Variants in RASAL3 observed in about 807,000 individuals in gnomAD.
RASAL3 encodes RAS protein activator like-3.
RASAL3 carries 74 observed loss-of-function variants against 105.5 expected under a neutral mutation model. The observed-to-expected ratio is 0.70, with a 90% CI of 0.58 to 0.85. RASAL3 has a LOEUF of 0.85. Among genes scored for constraint, RASAL3 ranks in the 40% least tolerant of loss-of-function variants. RASAL3 has a pLI of 0.00. For missense variants in RASAL3, 1,352 were observed against 1,392.0 expected, an observed-to-expected ratio of 0.97 and a Z score of 0.46; for synonymous variants, 579 against 591.6, an observed-to-expected ratio of 0.98 and a Z score of 0.31.
intron 7 of RASAL3, 46 bp from the exon 8 acceptor site, chr19:15,458,472 A>C: frequency 6.2e-7 from 1 of 1,613,622 alleles, no homozygotes; most frequent in Non-Finnish European, 8.5e-7. Flanking sequence ...CCAAGGGTGA[A>C]GCCAAAGGGT....
chr19:15,461,286 C>T lies in RASAL3; in HGVS notation c.476G>A (p.Arg159Lys), dbSNP rs527734825. The change falls in exon 4 of 18, where the codon AGG becomes AAG. Residue 159 changes from arginine (R) to lysine (K), a missense_variant. Arg to Lys is a conservative substitution (Grantham distance 26). This residue lies in a region of RASAL3 where 344 missense variants were observed against 339.6 expected (regional missense o/e 1.01). Coordinates refer to ENST00000343625, the MANE Select transcript of RASAL3 (RefSeq NM_022904.3). ...GGAGCTAGCACTTCCCACCCGGGGC[C>T]TTCGAGGACCCTGTTCTCCCGCAGG... ...LLGGEEEGPR[R>K]PRVGSASSEG... is the part of the protein sequence containing the mutation. 57 of 1,613,390 alleles carry T rather than the reference C, an allele frequency of 3.5e-5. 1 individual carries two copies. In the South Asian group the frequency reaches 5.9e-4, roughly 17 times the overall value.
In RASAL3 at chr19:15,452,781, C is replaced by T. The variant is rs375530302; in HGVS notation, c.2705G>A (p.Arg902His). ...GCGGGACAGCACTTTCTGCTCCTCA[C>T]GCAGAGCGGCCACCTCGCACTGCAG... Reference protein sequence around the residue: ...AELQCEVAALREEQKVLSRLV... With the variant: ...AELQCEVAALHEEQKVLSRLV... The change falls in exon 16 of 18, where the codon CGT becomes CAT. Residue 902 changes from arginine to histidine, a missense_variant. Arg to His is a conservative substitution (Grantham distance 29). Transcript: ENST00000343625. The T allele has an allele frequency of 5.2e-5, 81 of 1,564,354 alleles. No individual in the cohort carries two copies. Among genetic ancestry groups the T allele is most frequent in the African/African-American group, 2.7e-4 (20 of 73,722 alleles).
At chr19:15,452,133 G>A in intron 16 of RASAL3, 25 bp from the exon 17 acceptor site, 1 of 1,612,866 alleles carries the variant, frequency 6.2e-7, no homozygotes, top group South Asian at 1.1e-5. Context: ...GGATTGGGGC[G>A]AAGGGCAGAG....
chr19:15,457,343 C>T lies in RASAL3; in HGVS notation c.1380G>A (p.Glu460=), dbSNP rs930637203. The T allele has an allele frequency of 6.5e-6, 9 of 1,391,190 alleles. No homozygotes were observed. In the African/African-American group the frequency reaches 1.1e-4, roughly 17 times the overall value. 86.2% of individuals were successfully genotyped at this position (1,391,190 alleles called of 1,614,324 possible). A position where few individuals can be genotyped will look rare whatever the true frequency, so the allele number is the denominator to read the frequency against. The change falls in exon 9 of 18, where the codon GAG becomes GAA. Residue 460 remains glutamate, a synonymous_variant. Coordinates refer to ENST00000343625, the MANE Select transcript of RASAL3 (RefSeq NM_022904.3). The surrounding 1 kb of genome is among the most constrained non-coding windows in gnomAD (Gnocchi z 8.6). ...CGCGCACCATGGCTGCCGCCAGCTC[C>T]TCCTTGGCCTGCGCAGGCAGCGCGG... ...LEPALPAQAK[E]ELAAAMVRVL... is the part of the protein sequence containing the mutation.
Position 15,456,942 on chromosome 19 carries a change from G to T in RASAL3, c.1432-296C>A. On this transcript the variant is annotated intron_variant, in intron 9 of 17. Transcript: ENST00000343625. This position sits in a 1 kb window ranked among gnomAD's most constrained non-coding sequence, Gnocchi z 4.4. Reference sequence around the variant, plus strand: ...TCTTCAAGGTGTCCCGCCCCTTATGGGTGATAATTAGGCCCCGCCCCTCAC... The same window carrying T: ...TCTTCAAGGTGTCCCGCCCCTTATGTGTGATAATTAGGCCCCGCCCCTCAC... 4.0e-6 allele frequency: 2 copies of T among 504,258 alleles called. No individual in the cohort carries two copies. Among genetic ancestry groups the T allele is most frequent in the South Asian group, 5.1e-5 (2 of 39,348 alleles). 31.2% of individuals were successfully genotyped at this position (504,258 alleles called of 1,614,324 possible).
chr19:15,464,395 G>C lies in RASAL3; in HGVS notation c.-19-18C>G. ...GGGGTCTCCTGGGGGACGAGAGAGT[G>C]ACAGTAGTGCCCAGTGTCTGTCCAC... On this transcript the variant is annotated intron_variant, in intron 1 of 17. Coordinates refer to ENST00000343625, the MANE Select transcript of RASAL3 (RefSeq NM_022904.3). The C allele has an allele frequency of 6.8e-7, 1 of 1,481,010 alleles. No homozygotes were observed. Among genetic ancestry groups the C allele is most frequent in the Non-Finnish European group, 9.3e-7 (1 of 1,075,910 alleles). 91.7% of individuals were successfully genotyped at this position (1,481,010 alleles called of 1,614,324 possible).
chr19:15,455,968 A>T, intron 11 of RASAL3, 136 bp downstream of exon 11: 1 of 1,017,340 alleles, frequency 9.8e-7, no homozygotes, highest in Non-Finnish European at 1.4e-6. Flanking sequence ...GTAATTTTTT[A>T]GTATAAGCAT....
rs1970303015 is a variant in RASAL3 at position 15,456,015 on chromosome 19, C to T, written c.1721+89G>A. On this transcript the variant is annotated intron_variant, in intron 11 of 17. Transcript: ENST00000343625. This position sits in a 1 kb window ranked among gnomAD's most constrained non-coding sequence, Gnocchi z 4.4. ...TTGCATCAAATTTAACTGAGTGTCT[C>T]CTGTATTTTATCTGGCCACCCTAAA... 7.0e-7 allele frequency: 1 copy of T among 1,423,722 alleles called. No individual in the cohort carries two copies. Among genetic ancestry groups the T allele is most frequent in the Admixed American group, 2.0e-5 (1 of 51,276 alleles). 88.2% of individuals were successfully genotyped at this position (1,423,722 alleles called of 1,614,324 possible).
chr19:15,460,249 T>C lies in RASAL3; in HGVS notation c.616A>G (p.Lys206Glu). 6.2e-7 allele frequency: 1 copy of C among 1,608,528 alleles called. No homozygotes were observed. Among genetic ancestry groups the C allele is most frequent in the Non-Finnish European group, 8.5e-7 (1 of 1,177,514 alleles). ...NQVHNVRGLL[K>E]RLKEKKKARL... The stretch of plus-strand genomic sequence containing the variant: ...GCCTTTTTCTTCTCTTTCAGCCTCT[T>C]GAGCAACCCCTGTGGGGAAGGGAAT... Residue 206 changes from lysine (K) to glutamate (E), a missense_variant, in exon 6 of 18, where the codon AAG becomes GAG. Lys to Glu is a moderately conservative substitution (Grantham distance 56). Transcript: ENST00000343625.
In RASAL3 at chr19:15,451,835, T is replaced by A; in HGVS notation, c.2996A>T (p.Gln999Leu). 6.2e-7 allele frequency: 1 copy of A among 1,606,196 alleles called. No homozygotes were observed. Residue 999 changes from glutamine (Q) to leucine (L), a missense_variant, in exon 18 of 18, where the codon CAG (glutamine) becomes CTG (leucine). Around this residue, in one of 3 missense-constraint regions of RASAL3, gnomAD observed 920 missense variants for 919.6 expected, o/e 1.00. Transcript: ENST00000343625. ...PRTRGSWSQPQPLKAPCLNGD... is the reference protein window; with the variant it reads ...PRTRGSWSQPLPLKAPCLNGD... Reference sequence around the variant, plus strand: ...ATTGAGGCAGGGTGCTTTGAGGGGCTGGGGTTGACTCCAAGACCCCCGCGT... The same window carrying A: ...ATTGAGGCAGGGTGCTTTGAGGGGCAGGGGTTGACTCCAAGACCCCCGCGT...
rs1253872858 is a variant in RASAL3, at chr19:15,454,779, G to T, written c.1836C>A (p.Leu612=). ...RLVCASLFLR[L]LCPAILAPSL... is the part of the protein sequence containing the mutation. ...TGGGTGCCAGGATGGCAGGGCACAGGAGCCGCAGGAAGAGGGAGGCGCACA... is the reference window on the plus strand; with the variant it reads ...TGGGTGCCAGGATGGCAGGGCACAGTAGCCGCAGGAAGAGGGAGGCGCACA... Residue 612 remains leucine, a synonymous_variant, in exon 12 of 18, where the codon CTC becomes CTA. Transcript: ENST00000343625. 1 of 1,602,270 alleles carries T rather than the reference G, an allele frequency of 6.2e-7. No individual in the cohort carries two copies. Among genetic ancestry groups the T allele is most frequent in the African/African-American group, 1.3e-5 (1 of 74,868 alleles).
At position 15,464,115 on chromosome 19, in the gene RASAL3, G is replaced by T; in HGVS notation, c.244C>A (p.Arg82Ser). 1 of 1,613,256 alleles carries T rather than the reference G, an allele frequency of 6.2e-7. No individual in the cohort carries two copies. Among genetic ancestry groups the T allele is most frequent in the Non-Finnish European group, 8.5e-7 (1 of 1,179,696 alleles). The part of the protein sequence containing the change: ...SAPPKESRTS[R>S]LRLSKALWGR... ...CAGAGGGCCTTGGAGAGTCGAAGGC[G>T]ACTGGTCCGTGACTCCTTGGGAGGC... is the stretch of plus-strand genomic sequence containing the variant. The change falls in exon 2 of 18, where the codon CGC (arginine) becomes AGC (serine). Residue 82 changes from arginine to serine, a missense_variant. Physicochemically the swap from Arg to Ser is moderately radical, Grantham distance 110. Transcript: ENST00000343625.
Position 15,464,334 on chromosome 19 carries a change from T to C in RASAL3, c.25A>G (p.Thr9Ala), listed in dbSNP as rs1219941102. 7.3e-6 allele frequency: 9 copies of C among 1,226,058 alleles called. No individual in the cohort carries two copies. Among genetic ancestry groups the C allele is most frequent in the Non-Finnish European group, 9.6e-6 (9 of 936,442 alleles). The allele number at this position is 1,226,058 out of a possible 1,614,324, so 75.9% of individuals were successfully genotyped here. A position where few individuals can be genotyped will look rare whatever the true frequency, so the allele number is the denominator to read the frequency against. The change falls in exon 2 of 18, where the codon ACC (threonine) becomes GCC (alanine). Residue 9 changes from threonine to alanine, a missense_variant. Thr to Ala is a moderately conservative substitution (Grantham distance 58, BLOSUM62 0). Transcript: ENST00000343625. MDPPSPSR[T>A]SQTQPTATSP... ...GTGGCTGTGGGCTGGGTTTGGGAGG[T>C]CCGGCTTGGCGACGGTGGGTCCATG...
At position 15,454,674 on chromosome 19, in the gene RASAL3, G is replaced by C; in HGVS notation, c.1941C>G (p.Asn647Lys). The C allele has an allele frequency of 6.2e-7, 1 of 1,609,628 alleles. No individual in the cohort carries two copies. The highest frequency in any genetic ancestry group is 1.3e-5 in the African/African-American group (1 of 74,966). The change falls in exon 12 of 18, where the codon AAC becomes AAG. Residue 647 changes from asparagine (N) to lysine (K), a missense_variant. Asn to Lys is a moderately conservative substitution (Grantham distance 94). Coordinates refer to ENST00000343625, the MANE Select transcript of RASAL3 (RefSeq NM_022904.3). ...GCACCTACGGGGCACGGTTGGCGAG[G>C]TTCTGGATGACCTTGGCAATCAGTG... ...TLTLIAKVIQ[N>K]LANRAPFGEK...
In RASAL3 at chr19:15,464,372, G is replaced by A; in HGVS notation, c.-14C>T. 2 of 1,409,070 alleles carry A rather than the reference G, an allele frequency of 1.4e-6. No homozygotes were observed. The highest frequency in any genetic ancestry group is 2.0e-6 in the Non-Finnish European group (2 of 1,010,728). 87.3% of individuals were successfully genotyped at this position (1,409,070 alleles called of 1,614,324 possible). On this transcript the variant is annotated 5_prime_UTR_variant, in exon 2 of 18. Transcript: ENST00000343625. ...CGGTGGGTCCATGGTTGGGGGGGGG[G>A]GTCTCCTGGGGGACGAGAGAGTGAC...
Position 15,454,815 on chromosome 19 carries a change from G to T in RASAL3, c.1800C>A (p.Gly600=). Residue 600 remains glycine, a synonymous_variant, in exon 12 of 18, where the codon GGC becomes GGA. Coordinates refer to ENST00000343625, the MANE Select transcript of RASAL3 (RefSeq NM_022904.3). ...ACKERGSEVL[G]PRLVCASLFL... Reference sequence around the variant, plus strand: ...AGAGGGAGGCGCACACCAGTCGGGGGCCCAGCACCTCAGAGCCACGTTCTT... The same window carrying T: ...AGAGGGAGGCGCACACCAGTCGGGGTCCCAGCACCTCAGAGCCACGTTCTT... The T allele has an allele frequency of 1.3e-6, 2 of 1,591,356 alleles. No individual in the cohort carries two copies. Among genetic ancestry groups the T allele is most frequent in the Non-Finnish European group, 1.7e-6 (2 of 1,169,184 alleles).
At chr19:15,458,245 C>T in intron 8 of RASAL3, 83 bp downstream of exon 8, 1 of 1,327,298 alleles carries the variant, frequency 7.5e-7, no homozygotes, top group Non-Finnish European at 1.1e-6. Context: ...GGTTATGGAG[C>T]GAGCTGGCTT....
intron 2 of RASAL3, among the ~76,000 whole-genome samples, chr19:15,462,844 A>G (rs11882108): frequency 0.52 from 78,063 of 151,120 alleles, 20,453 homozygotes; most frequent in Middle Eastern, 0.6. Context: ...CCAGCTGCTC[A>G]GGAGGCTGAG....
rs377709079 is a variant in RASAL3 at position 15,461,313 on chromosome 19, G to A, written c.466-17C>T. 1.2e-5 allele frequency: 20 copies of A among 1,610,272 alleles called. No homozygotes were observed. In the African/African-American group the frequency reaches 2.4e-4, roughly 19 times the overall value. On this transcript the variant is annotated splice_polypyrimidine_tract_variant and intron_variant, in intron 3 of 17. Coordinates refer to ENST00000343625, the MANE Select transcript of RASAL3 (RefSeq NM_022904.3). Reference sequence around the variant, plus strand: ...TCGAGGACCCTGTTCTCCCGCAGGAGTGGGTAGTCAGAGAGGGGAGGCAGG... The same window carrying A: ...TCGAGGACCCTGTTCTCCCGCAGGAATGGGTAGTCAGAGAGGGGAGGCAGG...
Sources: allele counts gnomAD v4.1 joint callset (sites outside exome capture counted in the v4.1 genomes callset), GRCh38; gene constraint gnomAD v4.1.1; regional missense constraint gnomAD v4.1.1; non-coding constraint Gnocchi (gnomAD v3.1); transcripts MANE v1.5; gene names NCBI Gene and HGNC (gene_info 2026-07-23, HGNC 2026-07-21).